Variants in ZDHHC14 observed in about 807,000 individuals in gnomAD.
The protein encoded by ZDHHC14 is zDHHC palmitoyltransferase 14, also known as palmitoyltransferase ZDHHC14.
In ZDHHC14, 16 loss-of-function variants were observed where a neutral mutation model predicts 47.7. The observed-to-expected ratio is 0.34, with a 90% confidence interval of 0.23 to 0.51. The LOEUF is 0.51. Ranked by LOEUF, ZDHHC14 falls within the 20% of genes least tolerant of loss-of-function variation. The pLI, the probability that ZDHHC14 is intolerant of heterozygous loss-of-function variation, is 0.97. For synonymous variants in ZDHHC14, 293 were observed against 278.9 expected (o/e 1.05, Z -0.50); for missense variants, 515 against 662.5 (o/e 0.78, Z 2.44).
chr6:157,483,696 G>A (rs1193009604), intron 1 of ZDHHC14, among the ~76,000 whole-genome samples: 1 of 152,102 alleles, frequency 6.6e-6, no homozygotes, highest in African/African-American at 2.4e-5. Flanking sequence ...GAGGTTTGAC[G>A]GTGGGTAAAG....
At chr6:157,662,712 T>C (rs565907547) in intron 8 of ZDHHC14, among the ~76,000 whole-genome samples, 2 of 152,242 alleles carry the variant, frequency 1.3e-5, no homozygotes, top group Non-Finnish European at 2.9e-5. Flanking sequence ...CTTGAAGTTA[T>C]GGCCATGGTG....
Position 157,427,467 on chromosome 6 carries a change from T to A in ZDHHC14, c.245+45201T>A, listed in dbSNP as rs1778245221. Among the ~76,000 whole-genome samples, 1 of 152,010 alleles carries A rather than the reference T, an allele frequency of 6.6e-6. No homozygotes were observed. The highest frequency in any genetic ancestry group is 2.1e-4 in the South Asian group (1 of 4,824). ...CTTTCTCCAGCAGGGCCTACCAGCA[T>A]GGGTTGGCGTGGGGGTGAGGATGGT... is the stretch of plus-strand genomic sequence containing the variant. On this transcript the variant is annotated intron_variant, in intron 1 of 8. Transcript: ENST00000359775. The surrounding 1 kb of genome is among the most constrained non-coding windows in gnomAD (Gnocchi z 4.4).
intron 2 of ZDHHC14, among the ~76,000 whole-genome samples, chr6:157,591,149 T>C (rs1783892943): frequency 1.3e-5 from 2 of 152,334 alleles, no homozygotes; most frequent in South Asian, 4.1e-4. Flanking sequence ...GAAACTTGCC[T>C]TGTCTTTGGA....
At chr6:157,509,516 G>C (rs35677769) in intron 1 of ZDHHC14, among the ~76,000 whole-genome samples, 1 of 152,068 alleles carries the variant, frequency 6.6e-6, no homozygotes, top group Non-Finnish European at 1.5e-5. Context: ...ACTTTCCAAG[G>C]TCAGTTAGTA....
At chr6:157,557,196 A>T (rs1185490941) in intron 2 of ZDHHC14, among the ~76,000 whole-genome samples, 1 of 152,218 alleles carries the variant, frequency 6.6e-6, no homozygotes, top group Non-Finnish European at 1.5e-5. Flanking sequence ...GGCCTAGCAC[A>T]GCCTCTCGCA....
At position 157,427,471 on chromosome 6, in the gene ZDHHC14, T is replaced by A. The variant is rs1778245460; in HGVS notation, c.245+45205T>A. 6.6e-6 allele frequency among the ~76,000 whole-genome samples: 1 copy of A among 152,006 alleles called. No homozygotes were observed. The highest frequency in any genetic ancestry group is 2.1e-4 in the South Asian group (1 of 4,818). On this transcript the variant is annotated intron_variant, in intron 1 of 8. Coordinates refer to ENST00000359775, the MANE Select transcript of ZDHHC14 (RefSeq NM_024630.3). This position sits in a 1 kb window ranked among gnomAD's most constrained non-coding sequence, Gnocchi z 4.4. ...CTCCAGCAGGGCCTACCAGCATGGG[T>A]TGGCGTGGGGGTGAGGATGGTTGGC...
intron 2 of ZDHHC14, among the ~76,000 whole-genome samples, chr6:157,556,703 C>T (rs915534100): frequency 7.1e-6 from 1 of 140,434 alleles, no homozygotes; most frequent in East Asian, 1.9e-4. Flanking sequence ...GGAGACAGCT[C>T]AGAGCCGAGG....
chr6:157,632,320 G>T (rs1207621275), intron 4 of ZDHHC14: 2 of 153,544 alleles, frequency 1.3e-5, no homozygotes, highest in African/African-American at 2.4e-5. Context: ...AGCCCCTAAA[G>T]AAATGTTTTC....
rs1778901691 is a variant in ZDHHC14, at chr6:157,673,502, A to G, written c.*380A>G. On this transcript the variant is annotated 3_prime_UTR_variant, in exon 9 of 9. Coordinates refer to ENST00000359775, the MANE Select transcript of ZDHHC14 (RefSeq NM_024630.3). This position sits in a 1 kb window ranked among gnomAD's most constrained non-coding sequence, Gnocchi z 5.4. ...TATGTGTTATGCTACTAATATTTGAAACAGACCTGCCATTCCATTTGTTAA... is the reference window on the plus strand; with the variant it reads ...TATGTGTTATGCTACTAATATTTGAGACAGACCTGCCATTCCATTTGTTAA... The G allele has an allele frequency of 4.6e-6, 1 of 215,762 alleles. No individual in the cohort carries two copies. The highest frequency in any genetic ancestry group is 5.9e-5 in the Admixed American group (1 of 16,950). The allele number at this position is 215,762 out of a possible 1,614,324, so 13.4% of individuals were successfully genotyped here.
intron 2 of ZDHHC14, among the ~76,000 whole-genome samples, chr6:157,566,370 T>A (rs1372278280): frequency 6.6e-6 from 1 of 152,148 alleles, no homozygotes; most frequent in African/African-American, 2.4e-5. Flanking sequence ...AACTGCTGTT[T>A]GCTAGGATGG....
intron 1 of ZDHHC14, among the ~76,000 whole-genome samples, chr6:157,442,796 G>C (rs1034479469): frequency 6.6e-6 from 1 of 152,236 alleles, no homozygotes; most frequent in African/African-American, 2.4e-5. Flanking sequence ...TACGCTCTTA[G>C]AGGCAGCCTC....
At chr6:157,487,240 A>G (rs963541685) in intron 1 of ZDHHC14, among the ~76,000 whole-genome samples, 6 of 152,176 alleles carry the variant, frequency 3.9e-5, no homozygotes, top group African/African-American at 1.4e-4. Context: ...GAAGGATTTC[A>G]GGCAGGAGGG....
Position 157,382,124 on chromosome 6 carries a change from G to A in ZDHHC14, c.103G>A (p.Ala35Thr), listed in dbSNP as rs1264436452. The A allele has an allele frequency of 6.2e-7, 1 of 1,613,382 alleles. No individual in the cohort carries two copies. The highest frequency in any genetic ancestry group is 8.5e-7 in the Non-Finnish European group (1 of 1,179,728). Residue 35 changes from alanine to threonine, a missense_variant, in exon 1 of 9, where the codon GCG becomes ACG. This residue lies in a region of ZDHHC14 where 59 missense variants were observed against 57.7 expected (regional missense o/e 1.02). Transcript: ENST00000359775. Reference sequence around the variant, plus strand: ...GTCGCCCCACAAGAAGAAGAAAATCGCGGCCCGGAGGAAATGGGAGGTGTT... The same window carrying A: ...GTCGCCCCACAAGAAGAAGAAAATCACGGCCCGGAGGAAATGGGAGGTGTT... ...MESPHKKKKIAARRKWEVFPG... is the reference protein window; with the variant it reads ...MESPHKKKKITARRKWEVFPG...
At chr6:157,621,241 T>C (rs1329029193) in intron 3 of ZDHHC14, among the ~76,000 whole-genome samples, 2 of 152,152 alleles carry the variant, frequency 1.3e-5, no homozygotes, top group East Asian at 3.8e-4. Context: ...GTGGTGACCA[T>C]AGAGGCCAGA....
chr6:157,636,367 A>G (rs1776981330), intron 5 of ZDHHC14, among the ~76,000 whole-genome samples: 1 of 150,350 alleles, frequency 6.7e-6, no homozygotes, highest in Admixed American at 6.6e-5. Context: ...GTGTGCATGC[A>G]TCTATATCTG....
At chr6:157,547,154 C>A (rs1364980433) in intron 2 of ZDHHC14, among the ~76,000 whole-genome samples, 1 of 152,242 alleles carries the variant, frequency 6.6e-6, no homozygotes, top group Non-Finnish European at 1.5e-5. Context: ...CTTCCCCAGG[C>A]AGAGTAGATG....
chr6:157,508,322 C>A (rs762245190), intron 1 of ZDHHC14, among the ~76,000 whole-genome samples: 116 of 152,138 alleles, frequency 7.6e-4, no homozygotes, highest in Non-Finnish European at 1.3e-3. Context: ...TTCTCTCTAT[C>A]TGAAACTTCT....
chr6:157,506,344 C>T (rs1780325860), intron 1 of ZDHHC14, among the ~76,000 whole-genome samples: 1 of 152,192 alleles, frequency 6.6e-6, no homozygotes, highest in African/African-American at 2.4e-5. Flanking sequence ...TTAAACTGGA[C>T]TATTTCTGAG....
chr6:157,622,983 G>T (rs1785253771), intron 3 of ZDHHC14, among the ~76,000 whole-genome samples: 1 of 152,160 alleles, frequency 6.6e-6, no homozygotes, highest in African/African-American at 2.4e-5. Context: ...GATGAAAGAG[G>T]AGAGCAGGTC....
Sources: gnomAD v4.1 joint callset for allele counts (sites outside exome capture counted in the v4.1 genomes callset) on GRCh38, gnomAD v4.1.1 for gene constraint, gnomAD v4.1.1 regional missense constraint, Gnocchi (gnomAD v3.1) non-coding constraint, MANE v1.5 for transcripts, NCBI Gene and HGNC (gene_info 2026-07-23, HGNC 2026-07-21) for gene names.